Variants in LGR5 observed in about 807,000 individuals in gnomAD.
The protein encoded by LGR5 is leucine rich repeat containing G protein-coupled receptor 5, also known as leucine-rich repeat-containing G protein-coupled receptor 5.
A neutral mutation model predicts 76.7 loss-of-function variants in LGR5; 54 were observed. That is an observed-to-expected ratio of 0.70 (90% CI 0.57 to 0.88). The LOEUF is 0.88. Among genes scored for constraint, LGR5 ranks in the 40% least tolerant of loss-of-function variants. LGR5 has a pLI of 0.00. For missense variants in LGR5, 1,078 were observed against 1,073.3 expected, an observed-to-expected ratio of 1.00 and a Z score of -0.06; for synonymous variants, 406 against 421.9, an observed-to-expected ratio of 0.96 and a Z score of 0.46.
intron 1 of LGR5, among the ~76,000 whole-genome samples, chr12:71,464,949 G>A (rs1389594334): frequency 6.6e-6 from 1 of 152,174 alleles, no homozygotes; most frequent in Non-Finnish European, 1.5e-5. Context: ...GGATTGGGCA[G>A]AGGGAGAAGT....
In LGR5 at chr12:71,542,803, C is replaced by T. The variant is rs139041882; in HGVS notation, c.428+7617C>T. Among the ~76,000 whole-genome samples the T allele has an allele frequency of 3.5e-3, 532 of 151,722 alleles. 6 individuals are homozygous for T. Among genetic ancestry groups the T allele is most frequent in the African/African-American group, 0.011 (473 of 41,316 alleles). On this transcript the variant is annotated intron_variant, in intron 4 of 17. Transcript: ENST00000266674. ...AGGATAATGAGTTTGGTCTTGAGCA[C>T]TTGTGTTTGAGGAGGAACAACTAAG...
chr12:71,453,827 T>G (rs1262060733), intron 1 of LGR5, among the ~76,000 whole-genome samples: 2 of 152,096 alleles, frequency 1.3e-5, no homozygotes, highest in Admixed American at 1.3e-4. Context: ...ATGAGGCACC[T>G]CAGTACTCAT....
chr12:71,484,863 T>G (rs762895030), intron 1 of LGR5, among the ~76,000 whole-genome samples: 3 of 152,224 alleles, frequency 2.0e-5, no homozygotes, highest in Admixed American at 1.3e-4. Flanking sequence ...AATGATAATG[T>G]AAAAATTTTC....
intron 4 of LGR5, 92 bp from the exon 5 acceptor site, chr12:71,552,981 T>G: frequency 8.7e-7 from 1 of 1,152,628 alleles, no homozygotes. Flanking sequence ...GTTCCACTCT[T>G]GTTCATCATG....
chr12:71,534,913 C>A (rs919052554), intron 3 of LGR5, among the ~76,000 whole-genome samples: 2 of 152,126 alleles, frequency 1.3e-5, no homozygotes, highest in African/African-American at 4.8e-5. Flanking sequence ...ATTCATAGTA[C>A]TTATCACTTG....
At position 71,556,702 on chromosome 12, in the gene LGR5, T is replaced by C. The variant is rs1877787011; in HGVS notation, c.716+12T>C. 1.9e-6 allele frequency: 3 copies of C among 1,581,400 alleles called. No individual in the cohort carries two copies. The highest frequency in any genetic ancestry group is 1.3e-5 in the African/African-American group (1 of 74,238). On this transcript the variant is annotated intron_variant, in intron 6 of 17. Coordinates refer to ENST00000266674, the MANE Select transcript of LGR5 (RefSeq NM_003667.4). Reference sequence around the variant, plus strand: ...AGCCTAGAGACTTTGTGAGTTGACCTTTTATTTGTTTCCCTTTTTTCAGTA... The same window carrying C: ...AGCCTAGAGACTTTGTGAGTTGACCCTTTATTTGTTTCCCTTTTTTCAGTA...
At chr12:71,523,358 AC>A (rs1555171644) in intron 2 of LGR5, among the ~76,000 whole-genome samples, 1 of 151,944 alleles carries the variant, frequency 6.6e-6, no homozygotes, top group Non-Finnish European at 1.5e-5. Flanking sequence ...CCATCATAGT[AC>A]CCAGCAGGGG....
chr12:71,508,752 C>CAAAAA (rs35401076), intron 2 of LGR5, among the ~76,000 whole-genome samples: 6 of 28,126 alleles, frequency 2.1e-4, no homozygotes, highest in African/African-American at 5.0e-4. Flanking sequence ...GACTCAGTCT[C>CAAAAA]AAAAAAAAAA....
intron 1 of LGR5, among the ~76,000 whole-genome samples, chr12:71,449,208 A>T (rs965183627): frequency 3.9e-5 from 6 of 152,202 alleles, no homozygotes; most frequent in African/African-American, 1.4e-4. Flanking sequence ...TCAAACTAGA[A>T]GATGAAGGGA....
chr12:71,488,686 A>G (rs768504088), intron 1 of LGR5, among the ~76,000 whole-genome samples: 7 of 152,176 alleles, frequency 4.6e-5, no homozygotes, highest in Non-Finnish European at 1.0e-4. Flanking sequence ...CCTTGTTATT[A>G]TTTTATAAGG....
intron 1 of LGR5, among the ~76,000 whole-genome samples, chr12:71,494,975 C>A (rs1874245298): frequency 1.3e-5 from 2 of 150,976 alleles, no homozygotes; most frequent in African/African-American, 5.0e-5. Flanking sequence ...ACCAGGACCT[C>A]CAGATGCAGT....
intron 1 of LGR5, among the ~76,000 whole-genome samples, chr12:71,468,391 G>A (rs1872946268): frequency 6.6e-6 from 1 of 152,166 alleles, no homozygotes; most frequent in Non-Finnish European, 1.5e-5. Context: ...CACAATTGCA[G>A]AGTTGAAATA....
intron 3 of LGR5, among the ~76,000 whole-genome samples, chr12:71,531,623 T>G (rs1876313709): frequency 6.6e-6 from 1 of 152,186 alleles, no homozygotes; most frequent in Non-Finnish European, 1.5e-5. Context: ...ATCCCAGCAC[T>G]TTGGAAGGCC....
chr12:71,552,918 A>C (rs1366633125), intron 4 of LGR5, among the ~76,000 whole-genome samples, 155 bp from the exon 5 acceptor site: 1 of 152,008 alleles, frequency 6.6e-6, no homozygotes, highest in Non-Finnish European at 1.5e-5. Context: ...AGGAGAGATC[A>C]TCTGGAGAGG....
At chr12:71,516,500 C>T (rs574055303) in intron 2 of LGR5, among the ~76,000 whole-genome samples, 1 of 152,176 alleles carries the variant, frequency 6.6e-6, no homozygotes, top group African/African-American at 2.4e-5. Flanking sequence ...GTCAAATGCC[C>T]GCTTCCATCC....
At chr12:71,546,170 C>T (rs1343311198) in intron 4 of LGR5, among the ~76,000 whole-genome samples, 2 of 151,948 alleles carry the variant, frequency 1.3e-5, no homozygotes, top group Non-Finnish European at 2.9e-5. Flanking sequence ...AAAAAATTAG[C>T]TGGGTGTGGT....
At chr12:71,581,769 T>G (rs1194940473) in intron 16 of LGR5, among the ~76,000 whole-genome samples, 1 of 152,208 alleles carries the variant, frequency 6.6e-6, no homozygotes, top group Non-Finnish European at 1.5e-5. Context: ...AAGTACACAA[T>G]GAACAACACA....
intron 4 of LGR5, among the ~76,000 whole-genome samples, chr12:71,552,700 C>T (rs758069978): frequency 2.9e-4 from 44 of 152,052 alleles, no homozygotes; most frequent in Non-Finnish European, 5.4e-4. Flanking sequence ...AAAAACATTC[C>T]TTTGGCTTAG....
At chr12:71,441,156 C>G (rs992612610) in intron 1 of LGR5, among the ~76,000 whole-genome samples, 6 of 152,150 alleles carry the variant, frequency 3.9e-5, no homozygotes, top group African/African-American at 1.2e-4. Flanking sequence ...ACTGCAACTT[C>G]CAAAGCCCTG....
Sources: allele counts gnomAD v4.1 joint callset (sites outside exome capture counted in the v4.1 genomes callset), GRCh38; gene constraint gnomAD v4.1.1; transcripts MANE v1.5; gene names NCBI Gene and HGNC (gene_info 2026-07-23, HGNC 2026-07-21).